The following KCNH7 variants were observed in gnomAD, a reference collection of about 807,000 sequenced individuals.
The protein encoded by KCNH7 is potassium voltage-gated channel subfamily H member 7, also known as voltage-gated inwardly rectifying potassium channel KCNH7.
Under a neutral mutation model 120.8 loss-of-function variants are expected in KCNH7, and 49 were observed. The ratio of observed to expected loss-of-function variants is 0.41; its 90% confidence interval spans 0.32 to 0.51. KCNH7 has a LOEUF of 0.51. KCNH7 is among the 20% of genes least tolerant of loss of function. The pLI is 0.38. For synonymous variants in KCNH7, 547 were observed against 516.1 expected (o/e 1.06, Z -0.81); for missense variants, 1,097 against 1,446.6 (o/e 0.76, Z 3.92).
At chr2:162,454,425 G>A (rs552534414) in intron 6 of KCNH7, among the ~76,000 whole-genome samples, 56 of 152,222 alleles carry the variant, frequency 3.7e-4, no homozygotes, top group African/African-American at 1.3e-3. Context: ...GATTGTCTTG[G>A]CTATACCAGC....
chr2:162,746,212 A>G (rs1324116392), intron 2 of KCNH7, among the ~76,000 whole-genome samples: 1 of 152,128 alleles, frequency 6.6e-6, no homozygotes, highest in Non-Finnish European at 1.5e-5. Flanking sequence ...ATATTGTGGA[A>G]AATGGGTTTA....
At chr2:162,391,461 G>A (rs1361970876) in intron 12 of KCNH7, among the ~76,000 whole-genome samples, 1 of 152,036 alleles carries the variant, frequency 6.6e-6, no homozygotes, top group Non-Finnish European at 1.5e-5. Flanking sequence ...TTGGGCTCTG[G>A]TTAACTGGAG....
chr2:162,372,076 A>G lies in KCNH7; in HGVS notation c.3344T>C (p.Leu1115Pro). 1.9e-6 allele frequency: 3 copies of G among 1,611,926 alleles called. No homozygotes were observed. Among genetic ancestry groups the G allele is most frequent in the Non-Finnish European group, 2.5e-6 (3 of 1,178,340 alleles). ...PSSQCPEFLDLEKSKLKSKES... is the reference protein window; with the variant it reads ...PSSQCPEFLDPEKSKLKSKES... ...TTTGGATTTAAGTTTAGATTTTTCAAGGTCTAGAAATTCAGGACACTGATG... is the reference window on the plus strand; with the variant it reads ...TTTGGATTTAAGTTTAGATTTTTCAGGGTCTAGAAATTCAGGACACTGATG... Residue 1115 changes from leucine (L) to proline (P), a missense_variant, in exon 16 of 16, where the codon CTT (leucine) becomes CCT (proline). Leu to Pro is a moderately conservative substitution (Grantham distance 98, BLOSUM62 -3). Around this residue, in one of 8 missense-constraint regions of KCNH7, gnomAD observed 406 missense variants for 410.5 expected, o/e 0.99. Transcript: ENST00000332142.
chr2:162,739,213 C>G (rs1688027765), intron 2 of KCNH7, among the ~76,000 whole-genome samples: 1 of 152,100 alleles, frequency 6.6e-6, no homozygotes, highest in South Asian at 2.1e-4. Context: ...TATGCCTGTT[C>G]TACTCTTACT....
At chr2:162,681,577 G>A (rs1003447739) in intron 2 of KCNH7, among the ~76,000 whole-genome samples, 1 of 151,644 alleles carries the variant, frequency 6.6e-6, no homozygotes, top group Non-Finnish European at 1.5e-5. Flanking sequence ...TGCCTTAGCA[G>A]TCAGTATAAT....
chr2:162,436,047 T>G (rs1380080241), intron 7 of KCNH7, among the ~76,000 whole-genome samples: 1 of 152,068 alleles, frequency 6.6e-6, no homozygotes, highest in Non-Finnish European at 1.5e-5. Context: ...AAGATCCTAG[T>G]CTACTGAGGA....
chr2:162,539,393 T>C (rs1692227084), intron 2 of KCNH7, among the ~76,000 whole-genome samples: 1 of 152,002 alleles, frequency 6.6e-6, no homozygotes, highest in Admixed American at 6.6e-5. Flanking sequence ...ACACTTGGGG[T>C]GTACTGTTGA....
intron 2 of KCNH7, among the ~76,000 whole-genome samples, chr2:162,609,511 T>C (rs1171966966): frequency 6.6e-6 from 1 of 152,156 alleles, no homozygotes; most frequent in Non-Finnish European, 1.5e-5. Context: ...AGAACTCATG[T>C]CCAGGAGGGC....
At chr2:162,718,850 T>G (rs965617096) in intron 2 of KCNH7, among the ~76,000 whole-genome samples, 7 of 152,038 alleles carry the variant, frequency 4.6e-5, no homozygotes, top group Non-Finnish European at 7.4e-5. Flanking sequence ...CTCTATAAAG[T>G]CATGTTCACT....
intron 6 of KCNH7, 75 bp from the exon 7 acceptor site, chr2:162,446,518 G>A: frequency 2.8e-6 from 3 of 1,082,634 alleles, no homozygotes; most frequent in Non-Finnish European, 3.9e-6. Context: ...AAATATTAAG[G>A]GAACTAATTA....
intron 1 of KCNH7, 72 bp from the exon 2 acceptor site, chr2:162,836,839 G>A: frequency 1.9e-6 from 2 of 1,074,256 alleles, no homozygotes; most frequent in Non-Finnish European, 2.8e-6. Context: ...GAAGCAATTT[G>A]TTGCATAATA....
intron 2 of KCNH7, among the ~76,000 whole-genome samples, chr2:162,769,660 A>C (rs1682964003): frequency 6.6e-6 from 1 of 151,838 alleles, no homozygotes; most frequent in Non-Finnish European, 1.5e-5. Flanking sequence ...TTCTATATAT[A>C]GTTTATATAT....
chr2:162,752,943 G>GC (rs1688628961), intron 2 of KCNH7, among the ~76,000 whole-genome samples: 2 of 98,986 alleles, frequency 2.0e-5, no homozygotes, highest in African/African-American at 6.3e-5. Flanking sequence ...GAAAAGAAAA[G>GC]AAAAGAAAAG....
At chr2:162,604,344 G>A (rs188975014) in intron 2 of KCNH7, among the ~76,000 whole-genome samples, 138 of 152,070 alleles carry the variant, frequency 9.1e-4, no homozygotes, top group African/African-American at 3.3e-3. Flanking sequence ...GGATTGTTGA[G>A]GAGTTCTAAA....
In KCNH7 at chr2:162,802,046, G is replaced by A. The variant is rs1684369164; in HGVS notation, c.307+34491C>T. Reference sequence around the variant, plus strand: ...CATCAGAATCACCTAGGAATCTTAAGCCACAGATTCCTGGACCTTGTCCCC... The same window carrying A: ...CATCAGAATCACCTAGGAATCTTAAACCACAGATTCCTGGACCTTGTCCCC... On this transcript the variant is annotated intron_variant, in intron 2 of 15. Coordinates refer to ENST00000332142, the MANE Select transcript of KCNH7 (RefSeq NM_033272.4). Among the ~76,000 whole-genome samples, 4 of 151,842 alleles carry A rather than the reference G, an allele frequency of 2.6e-5. No homozygotes were observed. The South Asian group carries it at 8.3e-4, about 31-fold the overall frequency.
chr2:162,388,464 C>A (rs1428372401), intron 12 of KCNH7, among the ~76,000 whole-genome samples: 1 of 151,600 alleles, frequency 6.6e-6, no homozygotes, highest in Non-Finnish European at 1.5e-5. Context: ...TGAAAAAAAT[C>A]ACTTTGTATA....
At chr2:162,577,847 AG>A (rs1693742279) in intron 2 of KCNH7, among the ~76,000 whole-genome samples, 1 of 152,036 alleles carries the variant, frequency 6.6e-6, no homozygotes, top group Non-Finnish European at 1.5e-5. Flanking sequence ...ATTTTCCACA[AG>A]TTCCAAATTA....
chr2:162,810,631 T>C (rs1446778504), intron 2 of KCNH7, among the ~76,000 whole-genome samples: 1 of 152,198 alleles, frequency 6.6e-6, no homozygotes, highest in East Asian at 1.9e-4. Context: ...CTAACTGATG[T>C]TAGATAATTT....
chr2:162,512,614 G>A (rs1352772321), intron 5 of KCNH7, 40 bp downstream of exon 5: 1 of 1,592,820 alleles, frequency 6.3e-7, no homozygotes, highest in Non-Finnish European at 8.6e-7. Context: ...TAAAGGGGCA[G>A]GTTGAACATC....
Sources: gnomAD v4.1 joint callset for allele counts (sites outside exome capture counted in the v4.1 genomes callset) on GRCh38, gnomAD v4.1.1 for gene constraint, gnomAD v4.1.1 regional missense constraint, MANE v1.5 for transcripts, NCBI Gene and HGNC (gene_info 2026-07-23, HGNC 2026-07-21) for gene names.